Variants in ATP2B2 observed in about 807,000 individuals in gnomAD.
ATP2B2 encodes the protein plasma membrane calcium-transporting ATPase 2.
ATP2B2 carries 15 observed loss-of-function variants against 120.0 expected under a neutral mutation model. The observed-to-expected ratio is 0.12, with a 90% CI of 0.08 to 0.19. The LOEUF is 0.19. Among genes scored for constraint, ATP2B2 ranks in the 10% least tolerant of loss-of-function variants. The probability of loss-of-function intolerance (pLI) is 1.00; values close to 1 mark genes in which losing one functional copy is unlikely to be tolerated. For synonymous variants in ATP2B2, 694 were observed against 700.3 expected (o/e 0.99, Z 0.14); for missense variants, 1,045 against 1,719.8 (o/e 0.61, Z 6.94).
chr3:10,349,598 G>A (rs148081693), intron 16 of ATP2B2, among the ~76,000 whole-genome samples: 121 of 152,184 alleles, frequency 8.0e-4, no homozygotes, highest in South Asian at 1.5e-3. Context: ...CCAGGAGAGC[G>A]CATCCCTGAG....
intron 2 of ATP2B2, among the ~76,000 whole-genome samples, chr3:10,591,736 A>G (rs562521124): frequency 6.6e-6 from 1 of 152,328 alleles, no homozygotes; most frequent in South Asian, 2.1e-4. Flanking sequence ...TCAAGTTTGG[A>G]AAGCACTTTA....
intron 2 of ATP2B2, among the ~76,000 whole-genome samples, chr3:10,589,747 T>G (rs565136173): frequency 1.2e-4 from 18 of 152,160 alleles, no homozygotes; most frequent in Non-Finnish European, 2.1e-4. Context: ...ATGGCTAAAG[T>G]AATAATGAGA....
At chr3:10,685,210 G>A (rs1384533415) in intron 1 of ATP2B2, among the ~76,000 whole-genome samples, 1 of 152,234 alleles carries the variant, frequency 6.6e-6, no homozygotes. Context: ...GCAAAGGCCT[G>A]AGGCTTGTTT....
chr3:10,671,415 C>T lies in ATP2B2; in HGVS notation c.-460+36500G>A, dbSNP rs1575609742. Among the ~76,000 whole-genome samples the T allele has an allele frequency of 2.0e-5, 3 of 152,248 alleles. No homozygotes were observed. In the East Asian group the frequency reaches 5.8e-4, roughly 29 times the overall value. ...CCACATGCACACAGATCATGTGCGG[C>T]CCTTGTCGAAGTATAGATTCCAGCT... On this transcript the variant is annotated intron_variant, in intron 1 of 21. Coordinates refer to the ATP2B2 transcript ENST00000646379.
intron 1 of ATP2B2, among the ~76,000 whole-genome samples, chr3:10,692,896 G>A: frequency 7.1e-6 from 1 of 141,506 alleles, no homozygotes; most frequent in East Asian, 2.5e-4. Flanking sequence ...TGGGTGGGTG[G>A]GTGGGTGACT....
chr3:10,548,544 G>T (rs2067599681), intron 2 of ATP2B2, among the ~76,000 whole-genome samples: 1 of 152,154 alleles, frequency 6.6e-6, no homozygotes, highest in Non-Finnish European at 1.5e-5. Context: ...ATAGTGTATA[G>T]CTATCCCAGC....
At chr3:10,616,552 A>AG (rs2069392584) in intron 2 of ATP2B2, among the ~76,000 whole-genome samples, 1 of 152,244 alleles carries the variant, frequency 6.6e-6, no homozygotes, top group African/African-American at 2.4e-5. Context: ...CTGCAGCTCC[A>AG]GGGACAGAAG....
intron 2 of ATP2B2, among the ~76,000 whole-genome samples, chr3:10,612,061 C>A (rs2069254180): frequency 6.6e-6 from 1 of 152,172 alleles, no homozygotes; most frequent in African/African-American, 2.4e-5. Flanking sequence ...TCTCTCCTCT[C>A]CAACCACACT....
At chr3:10,606,537 A>G (rs2069072015) in intron 2 of ATP2B2, among the ~76,000 whole-genome samples, 1 of 152,082 alleles carries the variant, frequency 6.6e-6, no homozygotes, top group Non-Finnish European at 1.5e-5. Flanking sequence ...CCTGGCTTGT[A>G]TATTGGGTTG....
rs146927884 is a variant in ATP2B2, at chr3:10,498,982, G to A, written c.-320+6483C>T. Among the ~76,000 whole-genome samples the A allele has an allele frequency of 5.5e-4, 83 of 152,260 alleles. No individual in the cohort carries two copies. In the Middle Eastern group the frequency reaches 0.01, roughly 19 times the overall value. On this transcript the variant is annotated intron_variant, in intron 1 of 22. Coordinates refer to ENST00000360273, the MANE Select transcript of ATP2B2 (RefSeq NM_001001331.4). ...TGAGACATTACCTACCCATCATCTCGTGGCACAATCTTGTGAGGCAGGTTT... is the reference window on the plus strand; with the variant it reads ...TGAGACATTACCTACCCATCATCTCATGGCACAATCTTGTGAGGCAGGTTT...
chr3:10,477,860 CAAAT>C (rs747277912), intron 1 of ATP2B2, among the ~76,000 whole-genome samples: 2 of 152,204 alleles, frequency 1.3e-5, no homozygotes, highest in Non-Finnish European at 2.9e-5. Context: ...CATGGGTGAA[CAAAT>C]ATCTGAGTCC....
chr3:10,584,347 G>A (rs1222132517), intron 2 of ATP2B2, among the ~76,000 whole-genome samples: 2 of 152,182 alleles, frequency 1.3e-5, no homozygotes, highest in South Asian at 2.1e-4. Context: ...GGGACATGAA[G>A]TTTGAGTTCA....
Position 10,396,856 on chromosome 3 carries a change from G to A in ATP2B2, c.781+4097C>T, listed in dbSNP as rs2062053747. Among the ~76,000 whole-genome samples the A allele has an allele frequency of 1.3e-5, 2 of 152,140 alleles. 1 individual carries two copies. The highest frequency in any genetic ancestry group is 6.8e-3 in the Middle Eastern group (2 of 294). On this transcript the variant is annotated intron_variant, in intron 5 of 22. Transcript: ENST00000360273. ...AGCTGGGGCTATAATCAGAAAGGGG[G>A]GGAAGCTTGTTGGGGGTCCCTGGCT...
Position 10,505,573 on chromosome 3 carries a change from C to G in ATP2B2, c.-428G>C, listed in dbSNP as rs1203439330. The G allele has an allele frequency of 6.8e-6, 1 of 147,090 alleles. No homozygotes were observed. The highest frequency in any genetic ancestry group is 1.5e-5 in the Non-Finnish European group (1 of 66,628). The allele number at this position is 147,090 out of a possible 1,614,324, so 9.1% of individuals were successfully genotyped here. A position where few individuals can be genotyped will look rare whatever the true frequency, so the allele number is the denominator to read the frequency against. ...TGAGCCCAGCCAGCGTGCCCGGGCC[C>G]CTCTGCAGACTGTACCATCCTGCCC... On this transcript the variant is annotated 5_prime_UTR_variant, in exon 1 of 23. Transcript: ENST00000360273.
At chr3:10,415,430 A>C (rs922596720) in intron 2 of ATP2B2, among the ~76,000 whole-genome samples, 17 of 152,280 alleles carry the variant, frequency 1.1e-4, no homozygotes, top group Non-Finnish European at 7.4e-5. Context: ...GGGCCTTGTG[A>C]CTGCAGACAA....
chr3:10,534,612 G>A (rs1173687393), intron 2 of ATP2B2, among the ~76,000 whole-genome samples: 3 of 152,220 alleles, frequency 2.0e-5, no homozygotes, highest in Non-Finnish European at 4.4e-5. Flanking sequence ...GAGGGCAGAG[G>A]GGGTGTGAAA....
chr3:10,594,337 G>A (rs58610272), intron 2 of ATP2B2, among the ~76,000 whole-genome samples: 20,599 of 152,070 alleles, frequency 0.14, 1,582 homozygotes, highest in East Asian at 0.33. Context: ...AAAATGATAG[G>A]CTGGATTAAG....
chr3:10,482,874 G>C (rs1465371680), intron 1 of ATP2B2, among the ~76,000 whole-genome samples: 1 of 152,366 alleles, frequency 6.6e-6, no homozygotes, highest in South Asian at 2.1e-4. Flanking sequence ...CTGTGCATGA[G>C]GGCCCTGCCC....
rs1007964715 is a variant in ATP2B2 at position 10,329,407 on chromosome 3, A to G, written c.3421-282T>C. ...CACCATCAAAGAGATGATGGGGAAC[A>G]GTGGTTAAAGGAAGCACAGTCGACT... On this transcript the variant is annotated intron_variant, in intron 22 of 22. Transcript: ENST00000360273. This position sits in a 1 kb window ranked among gnomAD's most constrained non-coding sequence, Gnocchi z 5.9. Among the ~76,000 whole-genome samples, 4 of 152,128 alleles carry G rather than the reference A, an allele frequency of 2.6e-5. No homozygotes were observed. Among genetic ancestry groups the G allele is most frequent in the Admixed American group, 6.5e-5 (1 of 15,268 alleles).
Sources: allele counts gnomAD v4.1 joint callset (sites outside exome capture counted in the v4.1 genomes callset), GRCh38; gene constraint gnomAD v4.1.1; non-coding constraint Gnocchi (gnomAD v3.1); transcripts MANE v1.5; gene names NCBI Gene and HGNC (gene_info 2026-07-23, HGNC 2026-07-21).